Variants in MTCL3 observed in about 807,000 individuals in gnomAD.
MTCL3 encodes microtubule cross-linking factor 3.
At chr6:127,473,424 G>A in the MTCL3 span, 7 of 1,429,368 alleles carry the variant, frequency 4.9e-6, no homozygotes, top group African/African-American at 4.5e-5. Context: ...AAAGAGAAGA[G>A]TTAATTAATA....
the MTCL3 span, chr6:127,514,737 T>C: frequency 1.8e-6 from 2 of 1,098,872 alleles, no homozygotes; most frequent in East Asian, 2.6e-5. Flanking sequence ...CAGTCGCCAC[T>C]GAAGACTTCT....
chr6:127,510,398 A>G, the MTCL3 span, among the ~76,000 whole-genome samples: 4 of 152,132 alleles, frequency 2.6e-5, no homozygotes, highest in African/African-American at 9.7e-5. Context: ...CATCTTTACA[A>G]TCTCCTGAGG....
chr6:127,516,108 C>G, the MTCL3 span: 1 of 1,475,656 alleles, frequency 6.8e-7, no homozygotes, highest in East Asian at 2.5e-5. Context: ...CTTCCCCGCC[C>G]CCTCCTCCCC....
chr6:127,501,283 A>G, the MTCL3 span, among the ~76,000 whole-genome samples: 3 of 152,254 alleles, frequency 2.0e-5, no homozygotes, highest in African/African-American at 7.2e-5. Flanking sequence ...CTAAATGAAT[A>G]AACCCAATAG....
chr6:127,497,029 T>G, the MTCL3 span, among the ~76,000 whole-genome samples: 3 of 152,024 alleles, frequency 2.0e-5, no homozygotes, highest in Non-Finnish European at 4.4e-5. Context: ...AAGGAAGAAA[T>G]AGGAATTAAC....
the MTCL3 span, chr6:127,515,167 G>C: frequency 1.1e-6 from 1 of 916,804 alleles, no homozygotes; most frequent in South Asian, 1.5e-5. This position sits in a 1 kb window ranked among gnomAD's most constrained non-coding sequence, Gnocchi z 4.3. Flanking sequence ...CTCTCCACGA[G>C]ACAGGAGTGA....
At chr6:127,484,484 A>C in the MTCL3 span, among the ~76,000 whole-genome samples, 3 of 152,224 alleles carry the variant, frequency 2.0e-5, no homozygotes, top group Admixed American at 2.0e-4. Flanking sequence ...CCAAGAATAA[A>C]GTGAGCTAAA....
chr6:127,504,252 C>T, the MTCL3 span, among the ~76,000 whole-genome samples: 57 of 152,220 alleles, frequency 3.7e-4, no homozygotes, highest in African/African-American at 1.3e-3. Context: ...CTTGTGAGGA[C>T]TTCATGAGAA....
chr6:127,474,613 T>C, the MTCL3 span, among the ~76,000 whole-genome samples: 1 of 152,114 alleles, frequency 6.6e-6, no homozygotes, highest in East Asian at 1.9e-4. Context: ...AGGGTTTCAC[T>C]CTTGCCCAGG....
At chr6:127,475,686 C>G in the MTCL3 span, 1 of 1,583,600 alleles carries the variant, frequency 6.3e-7, no homozygotes, top group East Asian at 2.2e-5. The surrounding 1 kb of genome is among the most constrained non-coding windows in gnomAD (Gnocchi z 7.3). Context: ...CCGAGTCGCT[C>G]TCGCCGCCGA....
At chr6:127,515,375 C>A in the MTCL3 span, 1 of 850,426 alleles carries the variant, frequency 1.2e-6, no homozygotes, top group Non-Finnish European at 1.7e-6. The surrounding 1 kb of genome is among the most constrained non-coding windows in gnomAD (Gnocchi z 4.3). Context: ...CCTAGGAAAC[C>A]CCCTCCCTCC....
At chr6:127,487,037 C>A in the MTCL3 span, among the ~76,000 whole-genome samples, 1 of 152,094 alleles carries the variant, frequency 6.6e-6, no homozygotes, top group South Asian at 2.1e-4. Context: ...CTTTTGAGCC[C>A]TAAATATGTG....
At chr6:127,475,966 T>C in the MTCL3 span, 1 of 1,611,620 alleles carries the variant, frequency 6.2e-7, no homozygotes, top group South Asian at 1.1e-5. This position sits in a 1 kb window ranked among gnomAD's most constrained non-coding sequence, Gnocchi z 7.3. Flanking sequence ...CGCGCTGTCG[T>C]GGCCGCCGGA....
At chr6:127,518,095 T>G in the MTCL3 span, among the ~76,000 whole-genome samples, 1 of 152,190 alleles carries the variant, frequency 6.6e-6, no homozygotes, top group Non-Finnish European at 1.5e-5. Context: ...CAACTCACTT[T>G]GAAATATAAA....
chr6:127,475,618 C>A, the MTCL3 span: 1 of 1,599,774 alleles, frequency 6.3e-7, no homozygotes, highest in East Asian at 2.2e-5. The surrounding 1 kb of genome is among the most constrained non-coding windows in gnomAD (Gnocchi z 7.3). Context: ...GGGCCAGGGC[C>A]CGGGCGCCGG....
chr6:127,500,247 C>T, the MTCL3 span, among the ~76,000 whole-genome samples: 1 of 152,146 alleles, frequency 6.6e-6, no homozygotes, highest in Non-Finnish European at 1.5e-5. Context: ...TCAGACTGAT[C>T]TCATACTTCT....
At chr6:127,486,021 G>T in the MTCL3 span, among the ~76,000 whole-genome samples, 2 of 152,182 alleles carry the variant, frequency 1.3e-5, no homozygotes, top group South Asian at 4.1e-4. Flanking sequence ...GATGGAGGTA[G>T]GGCCACTGTA....
chr6:127,515,497 C>A, the MTCL3 span: 4 of 1,417,370 alleles, frequency 2.8e-6, no homozygotes, highest in South Asian at 1.7e-5. The surrounding 1 kb of genome is among the most constrained non-coding windows in gnomAD (Gnocchi z 4.3). Flanking sequence ...CCAGCCGGGT[C>A]CCCCCACCCT....
At chr6:127,515,590 T>C in the MTCL3 span, 40 of 1,434,676 alleles carry the variant, frequency 2.8e-5, no homozygotes, top group Non-Finnish European at 3.5e-5. The surrounding 1 kb of genome is among the most constrained non-coding windows in gnomAD (Gnocchi z 4.3). Context: ...CTGCTGCGGG[T>C]GCGGCTGCGA....
Sources: allele counts gnomAD v4.1 joint callset (sites outside exome capture counted in the v4.1 genomes callset), GRCh38; gene constraint gnomAD v4.1.1; non-coding constraint Gnocchi (gnomAD v3.1); transcripts MANE v1.5; gene names NCBI Gene and HGNC (gene_info 2026-07-23, HGNC 2026-07-21).